NINJ2: variants seen among roughly 807,000 people sequenced by gnomAD.
NINJ2 encodes the protein ninjurin 2, also known as ninjurin-2.
In NINJ2, 12 loss-of-function variants were observed where a neutral mutation model predicts 11.7. The observed-to-expected ratio is 1.02, with a 90% CI of 0.66 to 1.66. NINJ2 has a LOEUF of 1.66. NINJ2 is among the 40% of genes most tolerant of loss of function. The probability of loss-of-function intolerance (pLI) is 0.00; values close to 1 mark genes in which losing one functional copy is unlikely to be tolerated. For missense variants in NINJ2, 187 were observed against 181.8 expected (o/e 1.03, Z -0.16); for synonymous variants, 93 against 76.8 (o/e 1.21, Z -1.10).
chr12:578,863 C>G (rs1434570505), intron 1 of NINJ2, among the ~76,000 whole-genome samples: 1 of 152,144 alleles, frequency 6.6e-6, no homozygotes, highest in Non-Finnish European at 1.5e-5. Context: ...CCCAGTGCTG[C>G]CAGCTGCTGC....
chr12:613,573 C>T lies in NINJ2; in HGVS notation c.34-47395G>A, dbSNP rs563581633. Among the ~76,000 whole-genome samples the T allele has an allele frequency of 2.8e-4, 43 of 151,842 alleles. 1 individual carries two copies. Among genetic ancestry groups the T allele is most frequent in the Non-Finnish European group, 5.1e-4 (35 of 68,000 alleles). ...GCAGTGAGCCAAGATTGCGACATTA[C>T]ACTCCAGACTAGGAGACAGAACGAG... is the stretch of plus-strand genomic sequence containing the variant. On this transcript the variant is annotated intron_variant, in intron 1 of 3. Coordinates refer to ENST00000305108, the MANE Select transcript of NINJ2 (RefSeq NM_016533.6).
At position 663,391 on chromosome 12, in the gene NINJ2, C is replaced by T. The variant is rs780130339; in HGVS notation, c.-31G>A. On this transcript the variant is annotated 5_prime_UTR_variant, in exon 1 of 4. Coordinates refer to ENST00000305108, the MANE Select transcript of NINJ2 (RefSeq NM_016533.6). ...TGCCCTCAAGTCCCTTCACACGCAC[C>T]GGGTGCCGGGAACAGACTGCGTGGG... 1.4e-5 allele frequency: 22 copies of T among 1,613,992 alleles called. No individual in the cohort carries two copies. The highest frequency in any genetic ancestry group is 1.9e-5 in the Non-Finnish European group (22 of 1,180,018).
chr12:575,242 T>C (rs976634552), intron 1 of NINJ2, among the ~76,000 whole-genome samples: 8 of 152,206 alleles, frequency 5.3e-5, no homozygotes, highest in African/African-American at 1.9e-4. Context: ...TCCAGGGTCA[T>C]TGTTACTCAA....
chr12:610,336 G>A (rs1948011881), intron 1 of NINJ2: 5 of 1,534,894 alleles, frequency 3.3e-6, no homozygotes, highest in Admixed American at 2.0e-5. Context: ...GTGGCCAGAG[G>A]CACACTTACC....
At chr12:610,392 C>G (rs1948013032) in intron 1 of NINJ2, 1 of 1,535,562 alleles carries the variant, frequency 6.5e-7, no homozygotes, top group South Asian at 1.2e-5. Flanking sequence ...GGAACTGAAG[C>G]CTCTTGCCCC....
intron 1 of NINJ2, among the ~76,000 whole-genome samples, chr12:611,226 T>TC (rs1565634817): frequency 7.2e-5 from 10 of 138,420 alleles, no homozygotes; most frequent in African/African-American, 2.7e-4. Flanking sequence ...TCTTTCTTTC[T>TC]TTTTCTTTCT....
rs1388768584 is a variant in NINJ2 at position 565,272 on chromosome 12, C to A, written c.392G>T (p.Gly131Val). The A allele has an allele frequency of 6.2e-7, 1 of 1,614,038 alleles. No homozygotes were observed. Among genetic ancestry groups the A allele is most frequent in the African/African-American group, 1.3e-5 (1 of 74,914 alleles). The change falls in exon 3 of 4, where the codon GGG becomes GTG. Residue 131 changes from glycine to valine, a missense_variant. Physicochemically the swap from Gly to Val is moderately radical, Grantham distance 109. Coordinates refer to ENST00000305108, the MANE Select transcript of NINJ2 (RefSeq NM_016533.6). ...CCTTGAGGCCCTGGCAGCCAGGAAC[C>A]CTGTTTTATGTGCCCCGAAGGCTGT... is the stretch of plus-strand genomic sequence containing the variant. The part of the protein sequence containing the change: ...FITAFGAHKT[G>V]FLAARASRNP...
intron 1 of NINJ2, among the ~76,000 whole-genome samples, chr12:634,728 C>T (rs1948327163): frequency 6.6e-6 from 1 of 152,138 alleles, no homozygotes; most frequent in African/African-American, 2.4e-5. Flanking sequence ...AAAATGTTTG[C>T]CCAACGCTGA....
intron 1 of NINJ2, among the ~76,000 whole-genome samples, chr12:634,632 C>G (rs1948326073): frequency 6.6e-6 from 1 of 152,162 alleles, no homozygotes; most frequent in South Asian, 2.1e-4. Flanking sequence ...TCCTGACTTG[C>G]ATCCTCTAAG....
chr12:659,862 G>A (rs991552902), intron 1 of NINJ2, among the ~76,000 whole-genome samples: 4 of 152,186 alleles, frequency 2.6e-5, no homozygotes, highest in African/African-American at 4.8e-5. Flanking sequence ...CAGGGCTGCC[G>A]TACTTCTGAA....
chr12:617,926 T>C (rs957627001), intron 1 of NINJ2, among the ~76,000 whole-genome samples: 5 of 152,194 alleles, frequency 3.3e-5, no homozygotes, highest in African/African-American at 9.6e-5. Context: ...CTCTGGGCAC[T>C]TGGTGCCCAG....
At chr12:652,820 C>T (rs1479384427) in intron 1 of NINJ2, among the ~76,000 whole-genome samples, 3 of 150,606 alleles carry the variant, frequency 2.0e-5, no homozygotes, top group South Asian at 2.1e-4. Flanking sequence ...TGGTGGCAGG[C>T]GCCTGTAACC....
intron 1 of NINJ2, among the ~76,000 whole-genome samples, chr12:604,187 G>C (rs1408744510): frequency 6.6e-6 from 1 of 152,186 alleles, no homozygotes; most frequent in African/African-American, 2.4e-5. Flanking sequence ...GGGTTTTGAT[G>C]GGAACCGCAT....
chr12:595,821 A>C (rs1200094035), intron 1 of NINJ2, among the ~76,000 whole-genome samples: 1 of 152,250 alleles, frequency 6.6e-6, no homozygotes. Context: ...TAGACTTTTA[A>C]AATTCAACAA....
chr12:656,031 G>A (rs1937867813), intron 1 of NINJ2, among the ~76,000 whole-genome samples: 1 of 152,146 alleles, frequency 6.6e-6, no homozygotes, highest in Non-Finnish European at 1.5e-5. Context: ...AATCAGTTGT[G>A]AATATCAACA....
intron 1 of NINJ2, among the ~76,000 whole-genome samples, chr12:584,457 G>A (rs1291322048): frequency 2.6e-5 from 4 of 152,076 alleles, no homozygotes. Context: ...GATCACCTGA[G>A]GTCAGGAGTT....
rs1192478906 is a variant in NINJ2 at position 643,507 on chromosome 12, G to T, written c.33+19821C>A. The T allele has an allele frequency of 8.1e-6, 8 of 988,038 alleles. No individual in the cohort carries two copies. The Admixed American group carries it at 4.9e-4, about 61-fold the overall frequency. The allele number at this position is 988,038 out of a possible 1,614,324, so 61.2% of individuals were successfully genotyped here. A position where few individuals can be genotyped will look rare whatever the true frequency, so the allele number is the denominator to read the frequency against. ...GGAACACGGCTTTGTCCCTGGAACT[G>T]TACCTCATGTCCCCTCACTTAATCC... On this transcript the variant is annotated intron_variant, in intron 1 of 3. Transcript: ENST00000305108.
At chr12:616,023 G>A (rs1347247402) in intron 1 of NINJ2, among the ~76,000 whole-genome samples, 2 of 152,188 alleles carry the variant, frequency 1.3e-5, no homozygotes, top group East Asian at 1.9e-4. Flanking sequence ...ATGGGCCAGA[G>A]GTATAGTAGT....
chr12:627,956 A>G (rs1052142596), intron 1 of NINJ2, among the ~76,000 whole-genome samples: 2 of 152,168 alleles, frequency 1.3e-5, no homozygotes, highest in African/African-American at 2.4e-5. Flanking sequence ...AAAAGTCTCA[A>G]TCAGCTAGGC....
Sources: gnomAD v4.1 joint callset for allele counts (sites outside exome capture counted in the v4.1 genomes callset) on GRCh38, gnomAD v4.1.1 for gene constraint, MANE v1.5 for transcripts, NCBI Gene and HGNC (gene_info 2026-07-23, HGNC 2026-07-21) for gene names.